CSMD1: variants seen among roughly 807,000 people sequenced by gnomAD.
The protein encoded by CSMD1 is CUB and sushi domain-containing protein 1.
In CSMD1, 213 loss-of-function variants were observed where a neutral mutation model predicts 417.5. That is an observed-to-expected ratio of 0.51 (90% CI 0.46 to 0.57). The LOEUF (loss-of-function observed/expected upper bound fraction) is 0.57. Ranked by LOEUF, CSMD1 falls within the 20% of genes least tolerant of loss-of-function variation. CSMD1 has a pLI of 0.00. For missense variants in CSMD1, 6,923 were observed against 4,529.7 expected (o/e 1.53, Z -15.17); for synonymous variants, 2,862 against 1,736.8 (o/e 1.65, Z -16.11).
chr8:3,850,407 G>A lies in CSMD1; in HGVS notation c.819-96365C>T, dbSNP rs192936464. ...CACTGAATTCAACTCCTCAAAATTC[G>A]CATTAAGCCTGGCATGGTGGCTCAG... On this transcript the variant is annotated intron_variant, in intron 5 of 69. Coordinates refer to ENST00000635120, the MANE Select transcript of CSMD1 (RefSeq NM_033225.6). Among the ~76,000 whole-genome samples, 7 of 152,124 alleles carry A rather than the reference G, an allele frequency of 4.6e-5. No individual in the cohort carries two copies. The East Asian group carries it at 5.8e-4, about 13-fold the overall frequency.
chr8:3,804,349 C>G lies in CSMD1; in HGVS notation c.819-50307G>C, dbSNP rs1800614782. On this transcript the variant is annotated intron_variant, in intron 5 of 69. Coordinates refer to ENST00000635120, the MANE Select transcript of CSMD1 (RefSeq NM_033225.6). ...AAACTCTAATGCGTCTTAAAAGAAG[C>G]AGTATCAAAAATACCCAGTGTGAAT... Among the ~76,000 whole-genome samples, 5 of 152,130 alleles carry G rather than the reference C, an allele frequency of 3.3e-5. No individual in the cohort carries two copies. In the South Asian group the frequency reaches 8.3e-4, roughly 25 times the overall value.
intron 18 of CSMD1, among the ~76,000 whole-genome samples, chr8:3,371,913 A>C (rs1057176594): frequency 6.6e-6 from 1 of 152,254 alleles, no homozygotes; most frequent in African/African-American, 2.4e-5. Flanking sequence ...AAATTAATGT[A>C]TTCAACAAAT....
At chr8:3,474,822 G>A (rs1437702358) in intron 11 of CSMD1, among the ~76,000 whole-genome samples, 1 of 152,012 alleles carries the variant, frequency 6.6e-6, no homozygotes, top group Non-Finnish European at 1.5e-5. Context: ...TCCCCAAGTT[G>A]ACTCTATAGT....
intron 49 of CSMD1, among the ~76,000 whole-genome samples, chr8:3,063,260 G>A (rs567722526): frequency 6.6e-6 from 1 of 152,164 alleles, no homozygotes; most frequent in East Asian, 1.9e-4. Flanking sequence ...TGTTGTCTCT[G>A]ATAATGAACA....
At chr8:4,083,782 C>T (rs1322176247) in intron 3 of CSMD1, among the ~76,000 whole-genome samples, 1 of 152,100 alleles carries the variant, frequency 6.6e-6, no homozygotes, top group Admixed American at 6.5e-5. Flanking sequence ...TAGGCATGGG[C>T]AAGGACTTCA....
intron 26 of CSMD1, among the ~76,000 whole-genome samples, chr8:3,276,929 A>T (rs974654287): frequency 1.3e-5 from 2 of 152,118 alleles, no homozygotes; most frequent in Non-Finnish European, 2.9e-5. Flanking sequence ...TAAAATGGTA[A>T]CCCACAATGG....
chr8:4,642,154 A>G (rs1372523570), intron 1 of CSMD1, among the ~76,000 whole-genome samples: 5 of 152,204 alleles, frequency 3.3e-5, no homozygotes, highest in African/African-American at 7.2e-5. Context: ...AGTGCTCGGC[A>G]AGGAGCCTAT....
At chr8:3,399,032 G>A (rs1039492) in intron 16 of CSMD1, among the ~76,000 whole-genome samples, 79,810 of 151,872 alleles carry the variant, frequency 0.53, 21,239 homozygotes, top group Middle Eastern at 0.61. Context: ...CTCTACCACA[G>A]AAGACACCTA....
intron 1 of CSMD1, among the ~76,000 whole-genome samples, chr8:4,804,908 G>A (rs1469719277): frequency 6.6e-6 from 1 of 152,108 alleles, no homozygotes; most frequent in East Asian, 1.9e-4. Context: ...CCTAATAAAA[G>A]AGAAAAGAAA....
At chr8:4,306,506 C>A (rs2897796) in intron 3 of CSMD1, among the ~76,000 whole-genome samples, 114,803 of 151,910 alleles carry the variant, frequency 0.76, 43,499 homozygotes, top group East Asian at 0.85. Context: ...ATTTCTAGAA[C>A]CACTGATATC....
chr8:4,024,598 G>A (rs1171121499), intron 4 of CSMD1, among the ~76,000 whole-genome samples: 1 of 152,070 alleles, frequency 6.6e-6, no homozygotes, highest in Non-Finnish European at 1.5e-5. Flanking sequence ...TATTTTCCCT[G>A]CCCATTTCTT....
intron 12 of CSMD1, among the ~76,000 whole-genome samples, chr8:3,437,749 C>G (rs1362611500): frequency 1.5e-5 from 1 of 67,244 alleles, no homozygotes; most frequent in South Asian, 5.2e-4. Flanking sequence ...TAATTGATAT[C>G]TTTTCTTTTT....
At chr8:3,544,188 T>A (rs1424271948) in intron 10 of CSMD1, among the ~76,000 whole-genome samples, 1 of 152,070 alleles carries the variant, frequency 6.6e-6, no homozygotes, top group Non-Finnish European at 1.5e-5. Context: ...TAGAGGTTCA[T>A]GGTTAAGGGA....
At chr8:3,646,011 T>C (rs951631624) in intron 7 of CSMD1, among the ~76,000 whole-genome samples, 5 of 151,676 alleles carry the variant, frequency 3.3e-5, no homozygotes, top group African/African-American at 4.8e-5. Context: ...ATTTCTGTTA[T>C]AGCATTAACA....
intron 6 of CSMD1, among the ~76,000 whole-genome samples, chr8:3,728,364 C>G (rs1402189145): frequency 6.6e-6 from 1 of 152,118 alleles, no homozygotes; most frequent in Non-Finnish European, 1.5e-5. Flanking sequence ...AAACCTCGTT[C>G]CTTTATCAAT....
At chr8:3,620,753 C>A (rs1213278151) in intron 7 of CSMD1, among the ~76,000 whole-genome samples, 1 of 152,042 alleles carries the variant, frequency 6.6e-6, no homozygotes, top group Non-Finnish European at 1.5e-5. Context: ...AAAGGAGGGA[C>A]AAAAATGCTG....
At chr8:4,082,410 C>G (rs1345025197) in intron 3 of CSMD1, among the ~76,000 whole-genome samples, 1 of 151,964 alleles carries the variant, frequency 6.6e-6, no homozygotes, top group African/African-American at 2.4e-5. Context: ...ACAACAAAAC[C>G]CAGTATTTTA....
rs567513889 is a variant in CSMD1, at chr8:3,582,671, A to C, written c.1222+3465T>G. On this transcript the variant is annotated intron_variant, in intron 9 of 69. Transcript: ENST00000635120. ...GCTATGCTCTAAGTAGAAAATGCAC[A>C]CTGGATTTCCAAAACAAAGTATGAA... 3.3e-5 allele frequency among the ~76,000 whole-genome samples: 5 copies of C among 152,360 alleles called. No individual in the cohort carries two copies. The East Asian group carries it at 9.7e-4, about 29-fold the overall frequency.
chr8:3,024,296 TG>T (rs201472239), intron 51 of CSMD1, among the ~76,000 whole-genome samples: 2,691 of 96,666 alleles, frequency 0.028, 90 homozygotes, highest in African/African-American at 0.088. Context: ...AGGTTTTTTT[TG>T]GGGGGGGAGG....
Sources: gnomAD v4.1 joint callset for allele counts (sites outside exome capture counted in the v4.1 genomes callset) on GRCh38, gnomAD v4.1.1 for gene constraint, MANE v1.5 for transcripts, NCBI Gene and HGNC (gene_info 2026-07-23, HGNC 2026-07-21) for gene names.